Variants in BSCL2 observed in about 807,000 individuals in gnomAD.
BSCL2 encodes the protein seipin.
A neutral mutation model predicts 57.4 loss-of-function variants in BSCL2; 41 were observed. The ratio of observed to expected loss-of-function variants is 0.71; its 90% CI spans 0.56 to 0.93. The LOEUF (loss-of-function observed/expected upper bound fraction) is 0.93, where lower values mean the gene tolerates loss of function less well. BSCL2 is among the 40% of genes least tolerant of loss of function. The pLI is 0.00. For synonymous variants in BSCL2, 237 were observed against 227.3 expected (o/e 1.04, Z -0.38); for missense variants, 539 against 586.7 (o/e 0.92, Z 0.84).
intron 2 of BSCL2, among the ~76,000 whole-genome samples, chr11:62,704,882 G>A (rs1327879258): frequency 1.3e-5 from 2 of 152,096 alleles, no homozygotes; most frequent in African/African-American, 4.8e-5. Flanking sequence ...CTATTGTGTA[G>A]CCGACTTTCA....
upstream of BSCL2, chr11:62,707,440 C>A: frequency 1.4e-6 from 1 of 696,310 alleles, no homozygotes; most frequent in Non-Finnish European, 2.6e-6. Context: ...GGGTCCCCCG[C>A]AGCCAGTACA....
chr11:62,707,108 C>T lies in BSCL2; in HGVS notation c.87+1G>A. On this transcript the variant is annotated splice_donor_variant, in intron 1 of 10. Coordinates refer to ENST00000360796, the MANE Select transcript of BSCL2 (RefSeq NM_001122955.4). LOFTEE classifies it high-confidence loss of function. ...CTGACTGTCCCCACAAGGGCCCCTA[C>T]CTCCTCTTTGTCCGGTCCTTTGATC... is the stretch of plus-strand genomic sequence containing the variant. 3 of 1,553,094 alleles carry T rather than the reference C, an allele frequency of 1.9e-6. No homozygotes were observed. The highest frequency in any genetic ancestry group is 1.2e-5 in the South Asian group (1 of 84,162).
intron 1 of BSCL2, chr11:62,705,834 G>A (rs1304184916): frequency 1.8e-6 from 1 of 558,730 alleles, no homozygotes; most frequent in South Asian, 2.7e-5. Context: ...AATCTCCTCA[G>A]TGGAATTCCT....
intron 3 of BSCL2, among the ~76,000 whole-genome samples, chr11:62,700,556 G>A (rs562515406): frequency 2.6e-5 from 4 of 152,078 alleles, no homozygotes; most frequent in African/African-American, 4.8e-5. Context: ...CAGGAGAATC[G>A]ATTGAACCCA....
At chr11:62,708,130 A>G (rs966916504), upstream of BSCL2, 1 of 627,092 alleles carries the variant, frequency 1.6e-6, no homozygotes, top group Non-Finnish European at 2.9e-6. Flanking sequence ...ATTTTTTTCC[A>G]TGAGGAATAC....
upstream of BSCL2, chr11:62,708,698 C>A (rs776136195): frequency 1.2e-6 from 2 of 1,613,392 alleles, no homozygotes; most frequent in African/African-American, 2.7e-5. Flanking sequence ...CAGCAGCAGA[C>A]CTGATGACTT....
At chr11:62,695,539 C>T (rs1025588475) in intron 3 of BSCL2, among the ~76,000 whole-genome samples, 39 of 138,564 alleles carry the variant, frequency 2.8e-4, no homozygotes, top group Non-Finnish European at 5.7e-4. Flanking sequence ...TGAAACCCCC[C>T]GTCTCTATTA....
intron 1 of BSCL2, chr11:62,706,667 TG>T: frequency 4.2e-6 from 2 of 476,930 alleles, no homozygotes; most frequent in Non-Finnish European, 8.6e-6. Context: ...GTCATCCAGC[TG>T]GCGCTGATTT....
At position 62,704,081 on chromosome 11, in the gene BSCL2, C is replaced by T. The variant is rs185575693; in HGVS notation, c.404+1220G>A. Among the ~76,000 whole-genome samples the T allele has an allele frequency of 3.0e-3, 441 of 149,288 alleles. 1 individual carries two copies. Among genetic ancestry groups the T allele is most frequent in the Middle Eastern group, 0.024 (7 of 288 alleles). On this transcript the variant is annotated intron_variant, in intron 2 of 10. Coordinates refer to ENST00000360796, the MANE Select transcript of BSCL2 (RefSeq NM_001122955.4). ...CAGAGGTTGCAGTGAGCTGAGATTG[C>T]GCCACTGCACTCCAGCCCAGGCAAC...
At chr11:62,704,027 A>C (rs1945734620) in intron 2 of BSCL2, among the ~76,000 whole-genome samples, 1 of 151,710 alleles carries the variant, frequency 6.6e-6, no homozygotes, top group Non-Finnish European at 1.5e-5. Flanking sequence ...AGGCTGAGGC[A>C]AGGCAGGAGA....
rs1945775231 is a variant in BSCL2, at chr11:62,704,951, T to G, written c.404+350A>C. Among the ~76,000 whole-genome samples, 4 of 152,284 alleles carry G rather than the reference T, an allele frequency of 2.6e-5. No individual in the cohort carries two copies. In the South Asian group the frequency reaches 8.3e-4, roughly 32 times the overall value. On this transcript the variant is annotated intron_variant, in intron 2 of 10. Coordinates refer to ENST00000360796, the MANE Select transcript of BSCL2 (RefSeq NM_001122955.4). ...GCTGCTTTCCTAATAGCTCCTCTAC[T>G]GAAAGCCAGGTTGGTTCTGCACTAA...
At position 62,690,712 on chromosome 11, in the gene BSCL2, G is replaced by A; in HGVS notation, c.1154-20C>T. 1.2e-6 allele frequency: 2 copies of A among 1,613,816 alleles called. No individual in the cohort carries two copies. Among genetic ancestry groups the A allele is most frequent in the Non-Finnish European group, 1.7e-6 (2 of 1,180,018 alleles). ...GACCCTCTGCAGCCAAAAGGGGAAT[G>A]CAGGGGTCAGACCCAGACACTGAAG... On this transcript the variant is annotated intron_variant, in intron 9 of 10. Coordinates refer to ENST00000360796, the MANE Select transcript of BSCL2 (RefSeq NM_001122955.4).
chr11:62,706,965 A>ATC, intron 1 of BSCL2, 144 bp downstream of exon 1: 1 of 727,824 alleles, frequency 1.4e-6, no homozygotes, highest in African/African-American at 1.8e-5. Context: ...TGTTGTGTAC[A>ATC]TCTTTGCACA....
chr11:62,706,285 G>GCGCGC (rs2083533430), intron 1 of BSCL2: 1 of 1,108,398 alleles, frequency 9.0e-7, no homozygotes, highest in Non-Finnish European at 1.1e-6. Flanking sequence ...CAGGGCAACC[G>GCGCGC]TGAGACGGGA....
upstream of BSCL2, chr11:62,708,312 C>G (rs754617907): frequency 1.2e-6 from 2 of 1,611,758 alleles, no homozygotes; most frequent in Non-Finnish European, 1.7e-6. Flanking sequence ...GGTGAGACCC[C>G]GGTGAACAGC....
chr11:62,697,736 G>A (rs993828098), intron 3 of BSCL2, among the ~76,000 whole-genome samples: 8 of 150,088 alleles, frequency 5.3e-5, no homozygotes, highest in Admixed American at 2.7e-4. Context: ...AGAGGTTGCA[G>A]TGAAGCAAGA....
At chr11:62,691,184 C>T (rs768896917) in intron 7 of BSCL2, 43 bp from the exon 8 acceptor site, 1 of 1,613,950 alleles carries the variant, frequency 6.2e-7, no homozygotes, top group South Asian at 1.1e-5. Flanking sequence ...TGACTTCCCT[C>T]ACTAACAATC....
chr11:62,694,482 G>A, intron 4 of BSCL2, 86 bp downstream of exon 4: 1 of 1,597,564 alleles, frequency 6.3e-7, no homozygotes, highest in Non-Finnish European at 8.6e-7. Flanking sequence ...TGGGATTATA[G>A]GCCTGAGCCA....
At chr11:62,702,346 G>C (rs1315003642) in intron 3 of BSCL2, 122 bp downstream of exon 3, 43 of 885,326 alleles carry the variant, frequency 4.9e-5, no homozygotes, top group Non-Finnish European at 7.6e-5. Context: ...GATTACAGGC[G>C]TGAGCCACCG....
Sources: allele counts gnomAD v4.1 joint callset (sites outside exome capture counted in the v4.1 genomes callset), GRCh38; gene constraint gnomAD v4.1.1; transcripts MANE v1.5; gene names NCBI Gene and HGNC (gene_info 2026-07-23, HGNC 2026-07-21).